Variants in CACNA2D3 observed in about 807,000 individuals in gnomAD.
CACNA2D3 encodes the protein calcium voltage-gated channel auxiliary subunit alpha2delta 3.
A neutral mutation model predicts 160.6 loss-of-function variants in CACNA2D3; 60 were observed. The ratio of observed to expected loss-of-function variants is 0.37; its 90% CI spans 0.30 to 0.46. CACNA2D3 has a LOEUF of 0.46. CACNA2D3 is among the 20% of genes least tolerant of loss of function. CACNA2D3 has a pLI of 1.00. For missense variants in CACNA2D3, 1,205 were observed against 1,365.0 expected (o/e 0.88, Z 1.85); for synonymous variants, 558 against 492.9 (o/e 1.13, Z -1.75).
intron 23 of CACNA2D3, among the ~76,000 whole-genome samples, chr3:54,886,341 T>C (rs929309634): frequency 4.6e-5 from 7 of 152,228 alleles, no homozygotes; most frequent in African/African-American, 1.4e-4. Context: ...CTTTTTGGGA[T>C]ATGCCCTGGT....
At chr3:54,330,364 C>A (rs1704221188) in intron 3 of CACNA2D3, among the ~76,000 whole-genome samples, 1 of 151,952 alleles carries the variant, frequency 6.6e-6, no homozygotes, top group Admixed American at 6.6e-5. Flanking sequence ...TAGAGAGGAA[C>A]TTCTCTAGTA....
chr3:54,621,299 A>G (rs1039010910), intron 9 of CACNA2D3, among the ~76,000 whole-genome samples: 2 of 152,236 alleles, frequency 1.3e-5, no homozygotes, highest in Non-Finnish European at 1.5e-5. Context: ...ATACTGGTGA[A>G]GGAGAGGCTT....
intron 9 of CACNA2D3, among the ~76,000 whole-genome samples, chr3:54,585,771 C>T (rs1047010170): frequency 2.6e-5 from 4 of 152,142 alleles, no homozygotes; most frequent in African/African-American, 9.7e-5. Context: ...TCAGTTACCT[C>T]CCACTGGGTC....
intron 27 of CACNA2D3, among the ~76,000 whole-genome samples, chr3:54,946,463 T>C (rs1409571400): frequency 1.3e-5 from 2 of 152,044 alleles, no homozygotes; most frequent in African/African-American, 2.4e-5. Context: ...GAAGAGAATA[T>C]AGAGAGGGGA....
At chr3:54,771,493 C>T (rs955928171) in intron 13 of CACNA2D3, among the ~76,000 whole-genome samples, 1 of 152,142 alleles carries the variant, frequency 6.6e-6, no homozygotes, top group Non-Finnish European at 1.5e-5. Context: ...TGGCAGAATT[C>T]AGTTCTTTGC....
At chr3:54,929,983 A>AT (rs112448959) in intron 27 of CACNA2D3, among the ~76,000 whole-genome samples, 65 of 152,228 alleles carry the variant, frequency 4.3e-4, no homozygotes, top group African/African-American at 1.4e-3. Context: ...GGTCAGAAAC[A>AT]TTTTTTTGTG....
intron 11 of CACNA2D3, among the ~76,000 whole-genome samples, chr3:54,743,441 A>G (rs1401543777): frequency 6.6e-6 from 1 of 152,146 alleles, no homozygotes; most frequent in African/African-American, 2.4e-5. Flanking sequence ...CAGAAGGAGA[A>G]GGTCAGGACC....
At chr3:54,913,271 C>T (rs554069797) in intron 27 of CACNA2D3, among the ~76,000 whole-genome samples, 4 of 152,184 alleles carry the variant, frequency 2.6e-5, no homozygotes, top group African/African-American at 7.2e-5. Flanking sequence ...TTTGTAGAAA[C>T]GGGATTTTAC....
chr3:54,433,952 T>G (rs1265109058), intron 4 of CACNA2D3, among the ~76,000 whole-genome samples: 1 of 152,238 alleles, frequency 6.6e-6, no homozygotes, highest in Non-Finnish European at 1.5e-5. Context: ...CAAGCAGCAT[T>G]GCTTCCATTC....
intron 11 of CACNA2D3, among the ~76,000 whole-genome samples, chr3:54,728,515 C>G (rs1701320129): frequency 6.6e-6 from 1 of 151,980 alleles, no homozygotes; most frequent in African/African-American, 2.4e-5. Context: ...ATCTGGATTA[C>G]CTGTAAGTCT....
chr3:54,496,278 G>C (rs754411900), intron 4 of CACNA2D3, among the ~76,000 whole-genome samples: 1 of 152,174 alleles, frequency 6.6e-6, no homozygotes, highest in Non-Finnish European at 1.5e-5. Flanking sequence ...AGCAATATAT[G>C]AGATATTTGA....
rs573373026 is a variant in CACNA2D3, at chr3:54,427,642, C to T, written c.381+40868C>T. ...GCAACCTTATTTGTAGTCATAAACA[C>T]ATGAGCCATGCTCCCTGCCAGTGCG... On this transcript the variant is annotated intron_variant, in intron 4 of 37. Coordinates refer to ENST00000474759, the MANE Select transcript of CACNA2D3 (RefSeq NM_018398.3). 3.3e-5 allele frequency among the ~76,000 whole-genome samples: 5 copies of T among 152,314 alleles called. No individual in the cohort carries two copies. The South Asian group carries it at 1.0e-3, about 32-fold the overall frequency.
intron 2 of CACNA2D3, among the ~76,000 whole-genome samples, chr3:54,215,751 G>A (rs1038724988): frequency 1.3e-5 from 2 of 152,156 alleles, no homozygotes; most frequent in Non-Finnish European, 2.9e-5. Flanking sequence ...GCCCCTAGGT[G>A]TGAAATTTAT....
intron 4 of CACNA2D3, among the ~76,000 whole-genome samples, chr3:54,445,555 T>TACACACACAC (rs3028897): frequency 0.2 from 29,750 of 146,996 alleles, 3,111 homozygotes; most frequent in Middle Eastern, 0.25. Flanking sequence ...TTTCTATGTA[T>TACACACACAC]ACACACACAC....
intron 13 of CACNA2D3, among the ~76,000 whole-genome samples, chr3:54,801,975 G>A (rs1166180096): frequency 2.0e-5 from 3 of 152,170 alleles, no homozygotes; most frequent in Non-Finnish European, 4.4e-5. Context: ...AGGACTTACT[G>A]ATATGCAGCA....
chr3:54,554,268 T>C (rs9842822), intron 5 of CACNA2D3, among the ~76,000 whole-genome samples: 7,283 of 152,236 alleles, frequency 0.048, 536 homozygotes, highest in African/African-American at 0.17. Context: ...TCATTACACC[T>C]ATTTCTACTT....
At chr3:54,441,354 T>TGTG (rs1157365629) in intron 4 of CACNA2D3, among the ~76,000 whole-genome samples, 3 of 152,208 alleles carry the variant, frequency 2.0e-5, no homozygotes, top group African/African-American at 7.2e-5. Context: ...TTCTTGTAAA[T>TGTG]TTTTGGAGTT....
At chr3:54,269,216 C>G (rs1230301740) in intron 2 of CACNA2D3, among the ~76,000 whole-genome samples, 2 of 151,868 alleles carry the variant, frequency 1.3e-5, no homozygotes, top group Admixed American at 1.3e-4. Context: ...CTGGTAGCGC[C>G]TTTTCTATTT....
chr3:54,842,051 G>A (rs1346726743), intron 16 of CACNA2D3, among the ~76,000 whole-genome samples: 2 of 152,202 alleles, frequency 1.3e-5, no homozygotes. Flanking sequence ...GTATTGATTT[G>A]TGGCCAAAAA....
Sources: gnomAD v4.1 joint callset for allele counts (sites outside exome capture counted in the v4.1 genomes callset) on GRCh38, gnomAD v4.1.1 for gene constraint, MANE v1.5 for transcripts, NCBI Gene and HGNC (gene_info 2026-07-23, HGNC 2026-07-21) for gene names.